The following CFAP54 variants were observed in gnomAD, a reference collection of about 807,000 sequenced individuals.
CFAP54 encodes cilia and flagella associated protein 54, also known as cilia- and flagella-associated protein 54.
A neutral mutation model predicts 370.4 loss-of-function variants in CFAP54; 290 were observed. The ratio of observed to expected loss-of-function variants is 0.78; its 90% confidence interval spans 0.71 to 0.86. CFAP54 has a LOEUF of 0.86. CFAP54 is among the 40% of genes least tolerant of loss of function. CFAP54 has a pLI of 0.00. For synonymous variants in CFAP54, 1,206 were observed against 1,236.5 expected, an observed-to-expected ratio of 0.98 and a Z score of 0.52; for missense variants, 3,399 against 3,528.7, an observed-to-expected ratio of 0.96 and a Z score of 0.93.
intron 39 of CFAP54, among the ~76,000 whole-genome samples, chr12:96,670,930 A>G (rs1957138201): frequency 6.6e-6 from 1 of 152,172 alleles, no homozygotes; most frequent in African/African-American, 2.4e-5. Context: ...TTATGTTGTT[A>G]TGTACCTCTC....
intron 6 of CFAP54, among the ~76,000 whole-genome samples, chr12:96,520,027 T>A (rs1955285952): frequency 6.6e-6 from 1 of 152,120 alleles, no homozygotes; most frequent in African/African-American, 2.4e-5. Context: ...TTTTCTTTTG[T>A]TTTCTTTCTT....
chr12:96,744,027 C>G lies in CFAP54; in HGVS notation c.7565C>G (p.Ala2522Gly). 1.9e-6 allele frequency: 3 copies of G among 1,609,882 alleles called. No individual in the cohort carries two copies. The highest frequency in any genetic ancestry group is 1.1e-5 in the South Asian group (1 of 89,702). Residue 2522 changes from alanine (A) to glycine (G), a missense_variant, in exon 55 of 68, where the codon GCT (alanine) becomes GGT (glycine). Transcript: ENST00000524981. ...AHSILTEQML[A>G]FGETIEFRSS... The stretch of plus-strand genomic sequence containing the variant: ...TATTTGTTTTTTTAATAGATGCTAG[C>G]TTTTGGAGAAACAATTGAATTTCGT...
At chr12:96,506,033 A>C (rs1024392041) in intron 3 of CFAP54, among the ~76,000 whole-genome samples, 65 of 152,238 alleles carry the variant, frequency 4.3e-4, no homozygotes, top group African/African-American at 1.4e-3. Flanking sequence ...GCCACTGGGG[A>C]GCTTATAACA....
chr12:96,857,351 C>T (rs1302693477), intron 66 of CFAP54, among the ~76,000 whole-genome samples: 1 of 152,128 alleles, frequency 6.6e-6, no homozygotes, highest in Admixed American at 6.5e-5. Flanking sequence ...CCCATAAGTT[C>T]TCATAATTTA....
chr12:96,490,707 T>A (rs1954872438), intron 1 of CFAP54, among the ~76,000 whole-genome samples: 1 of 133,184 alleles, frequency 7.5e-6, no homozygotes, highest in Non-Finnish European at 1.7e-5. Flanking sequence ...ATAATAATAA[T>A]AAATAAATAA....
chr12:96,722,649 G>A (rs1159272022), intron 50 of CFAP54, among the ~76,000 whole-genome samples: 1 of 152,156 alleles, frequency 6.6e-6, no homozygotes, highest in Non-Finnish European at 1.5e-5. Context: ...TAAAGGGTTG[G>A]CTCTTGCTGC....
chr12:96,749,188 C>T (rs2136651071), intron 55 of CFAP54, among the ~76,000 whole-genome samples: 1 of 152,286 alleles, frequency 6.6e-6, no homozygotes, highest in South Asian at 2.1e-4. Flanking sequence ...GATTTGGTGT[C>T]TGGTGAGGGA....
intron 63 of CFAP54, among the ~76,000 whole-genome samples, chr12:96,808,194 G>A (rs1004385690): frequency 6.6e-6 from 1 of 152,088 alleles, no homozygotes; most frequent in African/African-American, 2.4e-5. Context: ...AAACTCATCA[G>A]CATATCTTTC....
At chr12:96,733,615 A>G (rs1729688254) in intron 50 of CFAP54, among the ~76,000 whole-genome samples, 1 of 150,658 alleles carries the variant, frequency 6.6e-6, no homozygotes, top group Non-Finnish European at 1.5e-5. Context: ...AAATGGAAAA[A>G]TATTTGGGCC....
At position 96,718,015 on chromosome 12, in the gene CFAP54, T is replaced by G. The variant is rs540025926; in HGVS notation, c.6725-428T>G. 7.9e-5 allele frequency among the ~76,000 whole-genome samples: 12 copies of G among 152,254 alleles called. No homozygotes were observed. The East Asian group carries it at 2.3e-3, about 29-fold the overall frequency. On this transcript the variant is annotated intron_variant, in intron 48 of 67. Coordinates refer to ENST00000524981, the MANE Select transcript of CFAP54 (RefSeq NM_001306084.2). ...TATTATCATTGTGTTTTTTAAAAAATTATTAAACTTATGGATAGTTTTCCT... is the reference window on the plus strand; with the variant it reads ...TATTATCATTGTGTTTTTTAAAAAAGTATTAAACTTATGGATAGTTTTCCT...
In CFAP54 at chr12:96,518,950, C is replaced by T. The variant is rs1334786914; in HGVS notation, c.821C>T (p.Ala274Val). 1.6e-5 allele frequency: 25 copies of T among 1,535,540 alleles called. No homozygotes were observed. The highest frequency in any genetic ancestry group is 2.2e-5 in the Non-Finnish European group (25 of 1,146,562). Residue 274 changes from alanine (A) to valine (V), a missense_variant, in exon 6 of 68, where the codon GCC becomes GTC. By Grantham distance (64) the Ala-to-Val change is moderately conservative. Coordinates refer to ENST00000524981, the MANE Select transcript of CFAP54 (RefSeq NM_001306084.2). ...CAGGCCTTAGAGTATCTCCTGTGGG[C>T]CAGCATGTGTATGGAGTCCTTGGTC... is the stretch of plus-strand genomic sequence containing the variant. The part of the protein sequence containing the change: ...SSKALEYLLW[A>V]SMCMESLVPL...
intron 59 of CFAP54, 59 bp from the exon 60 acceptor site, chr12:96,765,018 A>G: frequency 3.2e-6 from 4 of 1,235,334 alleles, no homozygotes. Flanking sequence ...TTTACCTAAT[A>G]GATAATCTAT....
In CFAP54 at chr12:96,647,883, C is replaced by T; in HGVS notation, c.4556C>T (p.Ser1519Leu). 2.0e-6 allele frequency: 3 copies of T among 1,501,462 alleles called. No individual in the cohort carries two copies. Among genetic ancestry groups the T allele is most frequent in the South Asian group, 1.3e-5 (1 of 76,016 alleles). The allele number at this position is 1,501,462 out of a possible 1,614,324, so 93.0% of individuals were successfully genotyped here. Residue 1519 changes from serine (S) to leucine (L), a missense_variant, in exon 34 of 68, where the codon TCA becomes TTA. Transcript: ENST00000524981. ...TTTTTCCCCCCTTGCAGTTTCCGAT[C>T]ATGTGATCCTAACATGTTTTCACTG... ...GTSHMMVSFR[S>L]CDPNMFSLYN... is the part of the protein sequence containing the mutation.
chr12:96,804,045 TA>T (rs892805286), intron 63 of CFAP54, among the ~76,000 whole-genome samples: 1 of 151,706 alleles, frequency 6.6e-6, no homozygotes, highest in African/African-American at 2.4e-5. Context: ...TAAATATCTT[TA>T]AAAAAAAGAA....
intron 44 of CFAP54, among the ~76,000 whole-genome samples, chr12:96,691,635 C>T (rs1188430475): frequency 6.6e-6 from 1 of 152,076 alleles, no homozygotes; most frequent in East Asian, 1.9e-4. Context: ...TAAGCCACTG[C>T]ATTAAGTTGT....
At chr12:96,699,268 A>G (rs1447274882) in intron 45 of CFAP54, among the ~76,000 whole-genome samples, 1 of 152,194 alleles carries the variant, frequency 6.6e-6, no homozygotes, top group Non-Finnish European at 1.5e-5. Flanking sequence ...CAAAGGGAGT[A>G]ACCTCTGGTC....
At chr12:96,743,638 C>T in intron 53 of CFAP54, 79 bp downstream of exon 53, 1 of 1,586,266 alleles carries the variant, frequency 6.3e-7, no homozygotes, top group Non-Finnish European at 8.6e-7. Flanking sequence ...TCAAATTCCA[C>T]TAGGTACTGA....
At chr12:96,688,773 T>G in intron 42 of CFAP54, 143 bp from the exon 43 acceptor site, 1 of 470,958 alleles carries the variant, frequency 2.1e-6, no homozygotes, top group African/African-American at 2.0e-5. Context: ...CTTTAATATA[T>G]TTTCCTTCTA....
chr12:96,797,141 T>C (rs1958772507), intron 63 of CFAP54, among the ~76,000 whole-genome samples: 1 of 152,164 alleles, frequency 6.6e-6, no homozygotes, highest in Admixed American at 6.6e-5. Context: ...GTGGAGCTTT[T>C]CTAGTTATCT....
Sources: gnomAD v4.1 joint callset for allele counts (sites outside exome capture counted in the v4.1 genomes callset) on GRCh38, gnomAD v4.1.1 for gene constraint, MANE v1.5 for transcripts, NCBI Gene and HGNC (gene_info 2026-07-23, HGNC 2026-07-21) for gene names.